Variants in CRACR2B observed in about 807,000 individuals in gnomAD.
The protein encoded by CRACR2B is calcium release activated channel regulator 2B, also known as EF-hand calcium-binding domain-containing protein 4A.
A neutral mutation model predicts 46.0 loss-of-function variants in CRACR2B; 50 were observed. The observed-to-expected ratio is 1.09, with a 90% CI of 0.87 to 1.38. The LOEUF is 1.38. Ranked by LOEUF, CRACR2B falls within the 40% of genes most tolerant of loss-of-function variation. The pLI, the probability that CRACR2B is intolerant of heterozygous loss-of-function variation, is 0.00. For synonymous variants in CRACR2B, 277 were observed against 239.6 expected, an observed-to-expected ratio of 1.16 and a Z score of -1.44; for missense variants, 667 against 535.0, an observed-to-expected ratio of 1.25 and a Z score of -2.43.
At chr11:826,706 G>T (rs1845924107), upstream of CRACR2B, among the ~76,000 whole-genome samples, 1 of 152,088 alleles carries the variant, frequency 6.6e-6, no homozygotes, top group Non-Finnish European at 1.5e-5. Context: ...TGTATTTTTA[G>T]TAGAGACGGG....
Position 831,772 on chromosome 11 carries a change from G to T in CRACR2B, c.*63G>T, listed in dbSNP as rs188628336. The T allele has an allele frequency of 1.4e-5, 21 of 1,450,412 alleles. No homozygotes were observed. The East Asian group carries it at 5.8e-4, about 40-fold the overall frequency. The allele number at this position is 1,450,412 out of a possible 1,614,324, so 89.8% of individuals were successfully genotyped here. A position where few individuals can be genotyped will look rare whatever the true frequency, so the allele number is the denominator to read the frequency against. ...TGCCCTTGCAGGAGGCTTGTCATGG[G>T]TCGGGGGTGCCCACTCAGGATGCAG... On this transcript the variant is annotated 3_prime_UTR_variant, in exon 9 of 9. Coordinates refer to ENST00000525077, the MANE Select transcript of CRACR2B (RefSeq NM_001286606.2).
Position 828,604 on chromosome 11 carries a change from T to G in CRACR2B, c.-4T>G. On this transcript the variant is annotated 5_prime_UTR_variant, in exon 1 of 9. Transcript: ENST00000525077. ...TGAAGGCCAGGCTGAGGCCCCCTGC[T>G]CTCATGGCCAGCCCTGGAAAGCCTG... The G allele has an allele frequency of 6.3e-7, 1 of 1,585,160 alleles. No individual in the cohort carries two copies.
In CRACR2B at chr11:831,542, A is replaced by T. The variant is rs1469893543; in HGVS notation, c.1033A>T (p.Asn345Tyr). 6.9e-6 allele frequency: 11 copies of T among 1,596,064 alleles called. No individual in the cohort carries two copies. The highest frequency in any genetic ancestry group is 9.4e-6 in the Non-Finnish European group (11 of 1,173,156). ...LRQLELLREL[N>Y]TRLRDDRDAC... ...GGACTCCTCCTTCCCTAGGGAGCTG[A>T]ATACACGGCTGCGGGATGACAGGGA... Residue 345 changes from asparagine (N) to tyrosine (Y), a missense_variant, in exon 9 of 9, where the codon AAT becomes TAT. Transcript: ENST00000525077.
chr11:828,944 G>A lies in CRACR2B; in HGVS notation c.258G>A (p.Arg86=), dbSNP rs1846143009. The change falls in exon 2 of 9, where the codon AGG becomes AGA. Residue 86 remains arginine (R), a synonymous_variant. Coordinates refer to ENST00000525077, the MANE Select transcript of CRACR2B (RefSeq NM_001286606.2). ...CTCACACTGGCTTCCTCACCGCCAG[G>A]GAGTTCTGCCTGGGCCTGGGTGAGC... ...DRAHTGFLTA[R]EFCLGLGMFV... 1 of 1,605,428 alleles carries A rather than the reference G, an allele frequency of 6.2e-7. No homozygotes were observed. The highest frequency in any genetic ancestry group is 1.6e-4 in the Middle Eastern group (1 of 6,062).
intron 4 of CRACR2B, 40 bp from the exon 5 acceptor site, chr11:830,210 G>A: frequency 6.7e-7 from 1 of 1,494,766 alleles, no homozygotes; most frequent in Middle Eastern, 1.8e-4. Flanking sequence ...GGGCTGTAGC[G>A]CTGGCAAGTT....
At chr11:829,885 T>C in intron 3 of CRACR2B, 101 bp from the exon 4 acceptor site, 2 of 1,458,224 alleles carry the variant, frequency 1.4e-6, no homozygotes, top group Non-Finnish European at 1.8e-6. Context: ...GCTCCTGTCC[T>C]GCCCAGGGGC....
In CRACR2B at chr11:831,974, C is replaced by T; in HGVS notation, c.*265C>T. Reference sequence around the variant, plus strand: ...CAGAAAACCCCCTCGTCAAATAAAACCCACTGACTGCACTGCGTCCTCCTG... The same window carrying T: ...CAGAAAACCCCCTCGTCAAATAAAATCCACTGACTGCACTGCGTCCTCCTG... On this transcript the variant is annotated 3_prime_UTR_variant, in exon 9 of 9. Transcript: ENST00000525077. The T allele has an allele frequency of 2.0e-6, 1 of 489,026 alleles. No individual in the cohort carries two copies. The highest frequency in any genetic ancestry group is 3.6e-5 in the East Asian group (1 of 27,788). The allele number at this position is 489,026 out of a possible 1,614,324, so 30.3% of individuals were successfully genotyped here. A position where few individuals can be genotyped will look rare whatever the true frequency, so the allele number is the denominator to read the frequency against.
At chr11:829,764 C>A in intron 3 of CRACR2B, 2 of 1,046,886 alleles carry the variant, frequency 1.9e-6, no homozygotes, top group Non-Finnish European at 1.3e-6. Context: ...GGGGCAGCGC[C>A]GGGCGCGGGG....
chr11:829,639 C>T, intron 3 of CRACR2B, 99 bp downstream of exon 3: 1 of 1,309,670 alleles, frequency 7.6e-7, no homozygotes, highest in East Asian at 2.7e-5. Flanking sequence ...TGCACAGGGT[C>T]TCTAGGCCGG....
chr11:826,456 T>G (rs2133861088), upstream of CRACR2B, among the ~76,000 whole-genome samples: 1 of 152,374 alleles, frequency 6.6e-6, no homozygotes, highest in Admixed American at 6.5e-5. Flanking sequence ...AGGTGGGACC[T>G]GCCTGAGTCC....
At chr11:826,256 C>A, upstream of CRACR2B, 1 of 152,456 alleles carries the variant, frequency 6.6e-6, no homozygotes. Flanking sequence ...ACAGTGATTC[C>A]AGCCCTTCAG....
At chr11:831,066 C>T in intron 7 of CRACR2B, 34 bp downstream of exon 7, 2 of 1,537,188 alleles carry the variant, frequency 1.3e-6, no homozygotes, top group East Asian at 2.5e-5. Context: ...GGCCCCGGTG[C>T]GTGTCCCGGG....
intron 1 of CRACR2B, 36 bp from the exon 2 acceptor site, chr11:828,816 C>T (rs764476341): frequency 4.2e-5 from 67 of 1,611,568 alleles, no homozygotes; most frequent in Non-Finnish European, 5.2e-5. Context: ...CTGGGTTGAC[C>T]GCAGCGGCTC....
rs1342012342 is a variant in CRACR2B, at chr11:828,747, G to A, written c.140G>A (p.Gly47Asp). The A allele has an allele frequency of 1.2e-6, 2 of 1,613,614 alleles. No homozygotes were observed. Among genetic ancestry groups the A allele is most frequent in the South Asian group, 2.2e-5 (2 of 91,086 alleles). The change falls in exon 1 of 9, where the codon GGC becomes GAC. Residue 47 changes from glycine (G) to aspartate (D), a missense_variant. Transcript: ENST00000525077. Reference protein sequence around the residue: ...LFLLCDKEAKGFITKHDLQGL... With the variant: ...LFLLCDKEAKDFITKHDLQGL... ...CTGCTGTGTGACAAGGAGGCTAAGG[G>A]CTTCATCACCAAGCACGACCTGCAG... is the stretch of plus-strand genomic sequence containing the variant.
Position 831,828 on chromosome 11 carries a change from A to T in CRACR2B, c.*119A>T. On this transcript the variant is annotated 3_prime_UTR_variant, in exon 9 of 9. Coordinates refer to ENST00000525077, the MANE Select transcript of CRACR2B (RefSeq NM_001286606.2). ...CCCCAGTGGGCCCCAGGCTCGCCTG[A>T]CTGAAGACATGAAGGACCTAGCCTA... 1 of 1,273,574 alleles carries T rather than the reference A, an allele frequency of 7.9e-7. No homozygotes were observed. The highest frequency in any genetic ancestry group is 1.0e-6 in the Non-Finnish European group (1 of 968,530). The allele number at this position is 1,273,574 out of a possible 1,614,324, so 78.9% of individuals were successfully genotyped here.
Position 828,712 on chromosome 11 carries a change from G to A in CRACR2B, c.105G>A (p.Glu35=), listed in dbSNP as rs1314608119. 6.2e-7 allele frequency: 1 copy of A among 1,613,246 alleles called. No individual in the cohort carries two copies. Among genetic ancestry groups the A allele is most frequent in the Non-Finnish European group, 8.5e-7 (1 of 1,179,844 alleles). The change falls in exon 1 of 9, where the codon GAG becomes GAA. Residue 35 remains glutamate (E), a synonymous_variant. Transcript: ENST00000525077. Reference sequence around the variant, plus strand: ...GGGCTGCAATACTGGAGCAGGCTGAGGAGCTGTTTCTGCTGTGTGACAAGG... The same window carrying A: ...GGGCTGCAATACTGGAGCAGGCTGAAGAGCTGTTTCTGCTGTGTGACAAGG... ...GPRAAILEQA[E]ELFLLCDKEA...
chr11:831,531 C>T lies in CRACR2B; in HGVS notation c.1026-4C>T. The T allele has an allele frequency of 1.3e-6, 2 of 1,585,354 alleles. No homozygotes were observed. Among genetic ancestry groups the T allele is most frequent in the Non-Finnish European group, 1.7e-6 (2 of 1,168,458 alleles). On this transcript the variant is annotated splice_region_variant and splice_polypyrimidine_tract_variant and intron_variant, in intron 8 of 8. Transcript: ENST00000525077. ...CTCTCAGTGTCGGACTCCTCCTTCC[C>T]TAGGGAGCTGAATACACGGCTGCGG...
chr11:830,239 G>T lies in CRACR2B; in HGVS notation c.606-11G>T. 1 of 1,502,876 alleles carries T rather than the reference G, an allele frequency of 6.7e-7. No individual in the cohort carries two copies. The allele number at this position is 1,502,876 out of a possible 1,614,324, so 93.1% of individuals were successfully genotyped here. ...GCAAGTTCTCATCCGGGGTCGCCCG[G>T]TCCCCCGAAGGCGCGAGAGCGAGCA... On this transcript the variant is annotated splice_polypyrimidine_tract_variant and intron_variant, in intron 4 of 8. Coordinates refer to ENST00000525077, the MANE Select transcript of CRACR2B (RefSeq NM_001286606.2).
At position 829,378 on chromosome 11, in the gene CRACR2B, C is replaced by T. The variant is rs1400994063; in HGVS notation, c.296C>T (p.Ala99Val). Residue 99 changes from alanine to valine, a missense_variant, in exon 3 of 9, where the codon GCG (alanine) becomes GTG (valine). Coordinates refer to ENST00000525077, the MANE Select transcript of CRACR2B (RefSeq NM_001286606.2). ...CCCGCAGGGATGTTTGTGGGGGTGG[C>T]GTCAGCCCAGGGAGCGAACCCCTGC... ...CLGLGMFVGV[A>V]SAQGANPCRT... The T allele has an allele frequency of 5.6e-6, 9 of 1,607,484 alleles. No individual in the cohort carries two copies. The highest frequency in any genetic ancestry group is 7.6e-6 in the Non-Finnish European group (9 of 1,178,306).
Sources: allele counts gnomAD v4.1 joint callset (sites outside exome capture counted in the v4.1 genomes callset), GRCh38; gene constraint gnomAD v4.1.1; transcripts MANE v1.5; gene names NCBI Gene and HGNC (gene_info 2026-07-23, HGNC 2026-07-21).